Variants in LARP7 observed in about 807,000 individuals in gnomAD.
LARP7 encodes the protein La ribonucleoprotein 7, transcriptional regulator.
In LARP7, 52 loss-of-function variants were observed where a neutral mutation model predicts 69.3. That is an observed-to-expected ratio of 0.75 (90% CI 0.60 to 0.95). The LOEUF (loss-of-function observed/expected upper bound fraction) is 0.95. Ranked by LOEUF, LARP7 falls within the 40% of genes least tolerant of loss-of-function variation. The pLI is 0.00. For synonymous variants in LARP7, 254 were observed against 215.9 expected (o/e 1.18, Z -1.55); for missense variants, 733 against 673.0 (o/e 1.09, Z -0.99).
Position 112,657,325 on chromosome 4 carries a change from T to TA in LARP7, c.1747_1748insA (p.Ter583=). The stretch of plus-strand genomic sequence containing the variant: ...ACATATAAGATTTTCTGAATATGAT[T>TA]GAAAAAAAAAACAGTTCACCTCTTA... ...SKHIRFSEYD[*] The change falls in exon 13 of 13, where the codon TGA becomes TAGA. Residue 583 remains the stop codon, a frameshift_variant and stop_retained_variant. Transcript: ENST00000344442. LOFTEE classifies it high-confidence loss of function. The TA allele has an allele frequency of 6.5e-7, 1 of 1,549,430 alleles. No homozygotes were observed. The highest frequency in any genetic ancestry group is 1.2e-5 in the South Asian group (1 of 82,436).
Position 112,657,470 on chromosome 4 carries a change from T to C in LARP7, c.*143T>C. Reference sequence around the variant, plus strand: ...TTGTTCCTCAACTTGTAAATAAGACTTTTTTCTAGAGACAAATATGATGTA... The same window carrying C: ...TTGTTCCTCAACTTGTAAATAAGACCTTTTTCTAGAGACAAATATGATGTA... On this transcript the variant is annotated 3_prime_UTR_variant, in exon 13 of 13. Transcript: ENST00000344442. 2.5e-6 allele frequency: 1 copy of C among 407,880 alleles called. No individual in the cohort carries two copies. The highest frequency in any genetic ancestry group is 4.4e-6 in the Non-Finnish European group (1 of 227,034). 25.3% of individuals were successfully genotyped at this position (407,880 alleles called of 1,614,324 possible).
chr4:112,651,943 TACTAATTA>T (rs1265891190), intron 10 of LARP7, among the ~76,000 whole-genome samples: 1 of 152,048 alleles, frequency 6.6e-6, no homozygotes, highest in Non-Finnish European at 1.5e-5. Flanking sequence ...CTAAATTTGG[TACTAATTA>T]ACTAGGTAAA....
chr4:112,648,442 A>G (rs2048490678), intron 8 of LARP7: 4 of 534,452 alleles, frequency 7.5e-6, no homozygotes, highest in Non-Finnish European at 7.7e-6. Context: ...GATCCCTTCA[A>G]ATGAGGTTAG....
chr4:112,639,898 T>C lies in LARP7; in HGVS notation c.-3+2659T>C, dbSNP rs554586970. Among the ~76,000 whole-genome samples, 131 of 152,240 alleles carry C rather than the reference T, an allele frequency of 8.6e-4. 1 individual carries two copies. The South Asian group carries it at 0.025, about 29-fold the overall frequency. On this transcript the variant is annotated intron_variant, in intron 1 of 12. Transcript: ENST00000344442. Reference sequence around the variant, plus strand: ...TTATAGATTATCAATTATAGAATTATAATTATCAATTATAGAATAATTGAT... The same window carrying C: ...TTATAGATTATCAATTATAGAATTACAATTATCAATTATAGAATAATTGAT...
At chr4:112,648,406 A>AG (rs1451592727) in intron 8 of LARP7, 1 of 534,610 alleles carries the variant, frequency 1.9e-6, no homozygotes, top group African/African-American at 1.9e-5. Context: ...TTCACACAGC[A>AG]GGTACCCCCA....
Position 112,649,651 on chromosome 4 carries a change from G to A in LARP7, c.1259G>A (p.Gly420Glu), listed in dbSNP as rs1347079145. ...GAGTCAGAAATGGAAACAGACAGTG[G>A]AGTACCTCAAAACACTGGAATGAAA... ...KSESEMETDS[G>E]VPQNTGMKNE... The change falls in exon 9 of 13, where the codon GGA becomes GAA. Residue 420 changes from glycine to glutamate, a missense_variant. By Grantham distance (98) the Gly-to-Glu change is moderately conservative. Transcript: ENST00000344442. 2.5e-6 allele frequency: 4 copies of A among 1,606,160 alleles called. No homozygotes were observed. Among genetic ancestry groups the A allele is most frequent in the Non-Finnish European group, 3.4e-6 (4 of 1,176,720 alleles).
intron 5 of LARP7, 35 bp downstream of exon 5, chr4:112,646,990 A>G: frequency 6.3e-7 from 1 of 1,580,652 alleles, no homozygotes; most frequent in Non-Finnish European, 8.5e-7. Context: ...AAAAGAAAGA[A>G]AAGAAAACAA....
At chr4:112,648,275 A>G (rs1349115399) in intron 8 of LARP7, 5 of 528,652 alleles carry the variant, frequency 9.5e-6, no homozygotes, top group Admixed American at 3.9e-5. Context: ...GGAAAAAGTT[A>G]GAATCCTTTA....
intron 6 of LARP7, 21 bp from the exon 7 acceptor site, chr4:112,647,178 A>G (rs1270325181): frequency 2.5e-6 from 4 of 1,592,288 alleles, no homozygotes; most frequent in Non-Finnish European, 3.4e-6. Context: ...AGATGAACTA[A>G]TAATGATGGC....
rs756923155 is a variant in LARP7, at chr4:112,653,202, C to T, written c.1542C>T (p.Asn514=). The change falls in exon 11 of 13, where the codon AAC becomes AAT. Residue 514 remains asparagine, a synonymous_variant. Transcript: ENST00000344442. ...TAATAAATGCCTATACAGAAATTAA[C>T]AAGAAACACTGCTGGAAACTCGAGA... ...QAVINAYTEI[N]KKHCWKLEIL... The T allele has an allele frequency of 1.3e-6, 2 of 1,594,482 alleles. No individual in the cohort carries two copies. The highest frequency in any genetic ancestry group is 1.2e-5 in the South Asian group (1 of 86,552).
Position 112,653,116 on chromosome 4 carries a change from T to A in LARP7, c.1456T>A (p.Leu486Met). ...AAISEVLYVD[L>M]LEGDTECHAR... Reference sequence around the variant, plus strand: ...AATCTCAGAAGTTCTTTATGTTGATTTGCTAGAAGGGGATACAGAATGCCA... The same window carrying A: ...AATCTCAGAAGTTCTTTATGTTGATATGCTAGAAGGGGATACAGAATGCCA... Residue 486 changes from leucine (L) to methionine (M), a missense_variant, in exon 11 of 13, where the codon TTG becomes ATG. Transcript: ENST00000344442. The A allele has an allele frequency of 6.2e-7, 1 of 1,603,934 alleles. No individual in the cohort carries two copies. Among genetic ancestry groups the A allele is most frequent in the Non-Finnish European group, 8.5e-7 (1 of 1,176,726 alleles).
rs769446246 is a variant in LARP7 at position 112,646,405 on chromosome 4, A to T, written c.257A>T (p.Asp86Val). 1.4e-5 allele frequency: 23 copies of T among 1,605,714 alleles called. No individual in the cohort carries two copies. In the South Asian group the frequency reaches 2.5e-4, roughly 18 times the overall value. ...SFNKMKKLTT[D>V]GKLIARALRS... is the part of the protein sequence containing the mutation. ...AACAAAATGAAAAAATTGACTACTG[A>T]TGGGAAGTTAATTGCCAGAGCATTG... is the stretch of plus-strand genomic sequence containing the variant. Residue 86 changes from aspartate to valine, a missense_variant, in exon 3 of 13, where the codon GAT becomes GTT. Coordinates refer to ENST00000344442, the MANE Select transcript of LARP7 (RefSeq NM_016648.4).
intron 1 of LARP7, among the ~76,000 whole-genome samples, chr4:112,640,027 C>T (rs2047898788): frequency 3.3e-5 from 5 of 152,226 alleles, no homozygotes; most frequent in Admixed American, 2.6e-4. Flanking sequence ...CAACCTCTGC[C>T]TCCTGGGTTC....
At chr4:112,647,573 G>T in intron 7 of LARP7, 24 bp downstream of exon 7, 5 of 1,363,980 alleles carry the variant, frequency 3.7e-6, no homozygotes, top group Non-Finnish European at 5.0e-6. Flanking sequence ...GTTTTAATTA[G>T]ATAAAACTAA....
rs1272277010 is a variant in LARP7, at chr4:112,646,374, T to C, written c.226T>C (p.Ser76Pro). 1.3e-6 allele frequency: 2 copies of C among 1,562,108 alleles called. No individual in the cohort carries two copies. Among genetic ancestry groups the C allele is most frequent in the Non-Finnish European group, 1.8e-6 (2 of 1,135,700 alleles). Residue 76 changes from serine (S) to proline (P), a missense_variant, in exon 3 of 13, where the codon TCT becomes CCT. Coordinates refer to ENST00000344442, the MANE Select transcript of LARP7 (RefSeq NM_016648.4). The part of the protein sequence containing the change: ...DGYVDISLLV[S>P]FNKMKKLTTD... Reference sequence around the variant, plus strand: ...AGATGTTGATATATCACTACTTGTGTCTTTTAACAAAATGAAAAAATTGAC... The same window carrying C: ...AGATGTTGATATATCACTACTTGTGCCTTTTAACAAAATGAAAAAATTGAC...
In LARP7 at chr4:112,646,809, G is replaced by A. The variant is rs201063875; in HGVS notation, c.406G>A (p.Val136Ile). Reference sequence around the variant, plus strand: ...ATAATAGGAGTTACTTCCCAAAAATGTTAATCACAGCTGGATTGAAAGAGT... The same window carrying A: ...ATAATAGGAGTTACTTCCCAAAAATATTAATCACAGCTGGATTGAAAGAGT... ...TVYVELLPKN[V>I]NHSWIERVFG... The change falls in exon 5 of 13, where the codon GTT (valine) becomes ATT (isoleucine). Residue 136 changes from valine (V) to isoleucine (I), a missense_variant. Transcript: ENST00000344442. 3 of 1,589,028 alleles carry A rather than the reference G, an allele frequency of 1.9e-6. No individual in the cohort carries two copies. The highest frequency in any genetic ancestry group is 2.7e-5 in the African/African-American group (2 of 73,338).
At position 112,650,477 on chromosome 4, in the gene LARP7, G is replaced by C. The variant is rs368177589; in HGVS notation, c.1311G>C (p.Glu437Asp). ...MKNEKTANREECRTQEKVNAT... is the reference protein window; with the variant it reads ...MKNEKTANREDCRTQEKVNAT... ...TCTAATCAGCAGCCAACAGGGAAGAGTGTCGCACCCAGGAGAAAGTTAATG... is the reference window on the plus strand; with the variant it reads ...TCTAATCAGCAGCCAACAGGGAAGACTGTCGCACCCAGGAGAAAGTTAATG... Residue 437 changes from glutamate to aspartate, a missense_variant, in exon 10 of 13, where the codon GAG (glutamate) becomes GAC (aspartate). Transcript: ENST00000344442. 9 of 1,613,714 alleles carry C rather than the reference G, an allele frequency of 5.6e-6. No homozygotes were observed. The highest frequency in any genetic ancestry group is 5.9e-6 in the Non-Finnish European group (7 of 1,179,800).
rs2048818403 is a variant in LARP7, at chr4:112,653,115, T to G, written c.1455T>G (p.Asp485Glu). 5 of 1,603,920 alleles carry G rather than the reference T, an allele frequency of 3.1e-6. No homozygotes were observed. The highest frequency in any genetic ancestry group is 2.5e-6 in the Non-Finnish European group (3 of 1,176,680). Reference protein sequence around the residue: ...LAAISEVLYVDLLEGDTECHA... With the variant: ...LAAISEVLYVELLEGDTECHA... ...CAATCTCAGAAGTTCTTTATGTTGA[T>G]TTGCTAGAAGGGGATACAGAATGCC... Residue 485 changes from aspartate (D) to glutamate (E), a missense_variant, in exon 11 of 13, where the codon GAT becomes GAG. By Grantham distance (45) the Asp-to-Glu change is conservative. Coordinates refer to ENST00000344442, the MANE Select transcript of LARP7 (RefSeq NM_016648.4).
At chr4:112,639,725 T>C (rs2047883759) in intron 1 of LARP7, among the ~76,000 whole-genome samples, 1 of 152,110 alleles carries the variant, frequency 6.6e-6, no homozygotes, top group African/African-American at 2.4e-5. Context: ...ATTGGCATAT[T>C]CTAGTGACAG....
Sources: gnomAD v4.1 joint callset for allele counts (sites outside exome capture counted in the v4.1 genomes callset) on GRCh38, gnomAD v4.1.1 for gene constraint, MANE v1.5 for transcripts, NCBI Gene and HGNC (gene_info 2026-07-23, HGNC 2026-07-21) for gene names.